Variants in SLC26A8 observed in about 807,000 individuals in gnomAD.
SLC26A8 encodes solute carrier family 26 member 8, also known as testis anion transporter 1.
In SLC26A8, 70 loss-of-function variants were observed where a neutral mutation model predicts 105.0. The ratio of observed to expected loss-of-function variants is 0.67; its 90% CI spans 0.55 to 0.81. The LOEUF (loss-of-function observed/expected upper bound fraction) is 0.81, where lower values mean the gene tolerates loss of function less well. Among genes scored for constraint, SLC26A8 ranks in the 40% least tolerant of loss-of-function variants. SLC26A8 has a pLI of 0.00. For missense variants in SLC26A8, 998 were observed against 1,181.8 expected, an observed-to-expected ratio of 0.84 and a Z score of 2.28; for synonymous variants, 415 against 438.3, an observed-to-expected ratio of 0.95 and a Z score of 0.66.
chr6:36,015,865 A>G (rs2127373591), intron 2 of SLC26A8, among the ~76,000 whole-genome samples: 1 of 152,272 alleles, frequency 6.6e-6, no homozygotes, highest in African/African-American at 2.4e-5. Context: ...CAACATGCCA[A>G]CATACCAACA....
At position 36,024,591 on chromosome 6, in the gene SLC26A8, C is replaced by G; in HGVS notation, c.-90G>C. 1 of 370,118 alleles carries G rather than the reference C, an allele frequency of 2.7e-6. No individual in the cohort carries two copies. Among genetic ancestry groups the G allele is most frequent in the South Asian group, 2.0e-5 (1 of 49,906 alleles). The allele number at this position is 370,118 out of a possible 1,614,324, so 22.9% of individuals were successfully genotyped here. A position where few individuals can be genotyped will look rare whatever the true frequency, so the allele number is the denominator to read the frequency against. On this transcript the variant is annotated 5_prime_UTR_variant, in exon 1 of 20. Transcript: ENST00000490799. ...GCGGCGCTGCGGACGCGGATACCGG[C>G]GGCGGTTCCCGAGCCGTTGTGGCCT...
intron 16 of SLC26A8, among the ~76,000 whole-genome samples, chr6:35,957,278 A>T (rs959345929): frequency 6.6e-6 from 1 of 152,132 alleles, no homozygotes; most frequent in South Asian, 2.1e-4. Flanking sequence ...AGCACAAGGA[A>T]TAATGAGAAG....
Position 36,000,823 on chromosome 6 carries a change from T to C in SLC26A8, c.329-715A>G, listed in dbSNP as rs140674756. On this transcript the variant is annotated intron_variant, in intron 3 of 19. Transcript: ENST00000490799. ...AAGCAAGGCTCCTTTTTATAAGACA[T>C]TTCAAACACATCCAAAAATAGAGTA... 1.8e-3 allele frequency among the ~76,000 whole-genome samples: 270 copies of C among 152,314 alleles called. 1 individual carries two copies. Among genetic ancestry groups the C allele is most frequent in the Admixed American group, 4.6e-3 (71 of 15,298 alleles).
At chr6:36,016,487 C>T (rs962765283) in intron 2 of SLC26A8, among the ~76,000 whole-genome samples, 2 of 152,168 alleles carry the variant, frequency 1.3e-5, no homozygotes, top group Non-Finnish European at 1.5e-5. Context: ...AAATGACAAA[C>T]ATTTCTATAT....
intron 7 of SLC26A8, among the ~76,000 whole-genome samples, chr6:35,989,040 C>T (rs1773646319): frequency 1.3e-5 from 2 of 152,016 alleles, no homozygotes; most frequent in Non-Finnish European, 2.9e-5. Context: ...TGGTGTTTCA[C>T]CATGTTGGCC....
intron 5 of SLC26A8, among the ~76,000 whole-genome samples, chr6:35,994,718 G>A (rs916420609): frequency 1.1e-4 from 16 of 152,062 alleles, no homozygotes; most frequent in Non-Finnish European, 2.4e-4. Context: ...TGGGATTACA[G>A]GTGCCCAGCA....
intron 6 of SLC26A8, 63 bp downstream of exon 6, chr6:35,992,447 A>G: frequency 2.6e-6 from 4 of 1,543,674 alleles, no homozygotes; most frequent in East Asian, 2.3e-5. Context: ...ACTGAGCTCC[A>G]CTTTTCTTTG....
intron 5 of SLC26A8, among the ~76,000 whole-genome samples, chr6:35,993,398 A>G (rs1013125925): frequency 6.6e-6 from 1 of 152,018 alleles, no homozygotes; most frequent in African/African-American, 2.4e-5. Flanking sequence ...GCTTTTCACA[A>G]AGGAGAAGAG....
intron 19 of SLC26A8, among the ~76,000 whole-genome samples, chr6:35,945,571 G>C (rs1771631370): frequency 1.3e-5 from 2 of 152,066 alleles, no homozygotes; most frequent in Admixed American, 6.6e-5. Context: ...CATTCCCTTT[G>C]CCTACCTTGT....
chr6:35,950,927 C>G (rs143844071), intron 19 of SLC26A8, among the ~76,000 whole-genome samples: 31 of 152,254 alleles, frequency 2.0e-4, no homozygotes, highest in African/African-American at 6.0e-4. Flanking sequence ...TTGAATGGAA[C>G]CCTGATGCCA....
At chr6:35,985,136 C>T (rs1773443104) in intron 7 of SLC26A8, among the ~76,000 whole-genome samples, 1 of 152,064 alleles carries the variant, frequency 6.6e-6, no homozygotes, top group Admixed American at 6.6e-5. Context: ...GATATGGAAG[C>T]CCCCACCCCT....
intron 3 of SLC26A8, among the ~76,000 whole-genome samples, chr6:36,004,314 A>C (rs994851431): frequency 6.6e-6 from 1 of 151,768 alleles, no homozygotes; most frequent in African/African-American, 2.4e-5. Context: ...GGGCTCAAGC[A>C]GTCCACCCGC....
chr6:35,994,643 T>C (rs895133714), intron 5 of SLC26A8, among the ~76,000 whole-genome samples: 5 of 150,836 alleles, frequency 3.3e-5, no homozygotes, highest in Non-Finnish European at 5.9e-5. Flanking sequence ...TGGTACAATC[T>C]TGGCTCACTG....
At chr6:35,957,606 CTTT>C (rs71540136) in intron 16 of SLC26A8, among the ~76,000 whole-genome samples, 14 of 130,282 alleles carry the variant, frequency 1.1e-4, no homozygotes, top group Non-Finnish European at 1.1e-4. Context: ...TGAGAGCCAC[CTTT>C]TTTTTTTTTT....
intron 11 of SLC26A8, among the ~76,000 whole-genome samples, chr6:35,962,944 C>T (rs1364702981): frequency 2.6e-5 from 4 of 152,140 alleles, no homozygotes; most frequent in East Asian, 1.9e-4. Flanking sequence ...GCTGGGACTA[C>T]GTGCCATCAC....
At chr6:35,952,437 C>G (rs1771911797) in intron 17 of SLC26A8, among the ~76,000 whole-genome samples, 1 of 152,178 alleles carries the variant, frequency 6.6e-6, no homozygotes, top group African/African-American at 2.4e-5. Context: ...AATATATACA[C>G]TGTGGGGCAA....
At chr6:35,962,772 T>C (rs1449849666) in intron 11 of SLC26A8, 151 bp from the exon 12 acceptor site, 7 of 665,954 alleles carry the variant, frequency 1.1e-5, no homozygotes, top group East Asian at 5.5e-5. Flanking sequence ...TTCCAACTCA[T>C]TGTCCAATCA....
Position 35,970,018 on chromosome 6 carries a change from C to A in SLC26A8, c.1288-1064G>T, listed in dbSNP as rs903103912. Among the ~76,000 whole-genome samples the A allele has an allele frequency of 3.3e-5, 5 of 152,116 alleles. No homozygotes were observed. The East Asian group carries it at 9.6e-4, about 29-fold the overall frequency. ...CTGGATAGTCTTGAACTCATTATAT[C>A]CTCTATTGGTAAATTTCTATTTTGT... is the stretch of plus-strand genomic sequence containing the variant. On this transcript the variant is annotated intron_variant, in intron 10 of 19. Transcript: ENST00000490799.
rs1489680287 is a variant in SLC26A8 at position 35,957,623 on chromosome 6, TG to T, written c.1863+1836del. ...AGAGCCACCTTTTTTTTTTTTTTTTTGAGATGGAGTTTTGCTCTTGTTGCCC... is the reference window on the plus strand; with the variant it reads ...AGAGCCACCTTTTTTTTTTTTTTTTTAGATGGAGTTTTGCTCTTGTTGCCC... On this transcript the variant is annotated intron_variant, in intron 16 of 19. Coordinates refer to ENST00000490799, the MANE Select transcript of SLC26A8 (RefSeq NM_052961.4). Among the ~76,000 whole-genome samples the T allele has an allele frequency of 4.5e-3, 601 of 134,210 alleles. 4 individuals carry two copies. Among genetic ancestry groups the T allele is most frequent in the African/African-American group, 0.017 (569 of 33,820 alleles). 88.0% of individuals were successfully genotyped at this position (134,210 alleles called of 152,430 possible). A position where few individuals can be genotyped will look rare whatever the true frequency, so the allele number is the denominator to read the frequency against.
Sources: gnomAD v4.1 joint callset for allele counts (sites outside exome capture counted in the v4.1 genomes callset) on GRCh38, gnomAD v4.1.1 for gene constraint, MANE v1.5 for transcripts, NCBI Gene and HGNC (gene_info 2026-07-23, HGNC 2026-07-21) for gene names.